Variants in LRRC37A2 observed in about 807,000 individuals in gnomAD.
LRRC37A2 encodes leucine rich repeat containing 37 member A2.
LRRC37A2 carries 9 observed loss-of-function variants against 68.8 expected under a neutral mutation model. That is an observed-to-expected ratio of 0.13 (90% CI 0.08 to 0.23). LRRC37A2 has a LOEUF of 0.23. Ranked by LOEUF, LRRC37A2 falls within the 10% of genes least tolerant of loss-of-function variation. The pLI, the probability that LRRC37A2 is intolerant of heterozygous loss-of-function variation, is 1.00. For synonymous variants in LRRC37A2, 63 were observed against 367.6 expected, an observed-to-expected ratio of 0.17 and a Z score of 9.48; for missense variants, 168 against 950.4, an observed-to-expected ratio of 0.18 and a Z score of 10.82.
chr17:46,823,772 G>A, the LRRC37A2 span, among the ~76,000 whole-genome samples: 3 of 148,912 alleles, frequency 2.0e-5, no homozygotes, highest in Non-Finnish European at 4.5e-5. Context: ...GATTTGCGGT[G>A]AAAGTCCTTT....
At chr17:47,029,048 G>A in the LRRC37A2 span, among the ~76,000 whole-genome samples, 3 of 152,042 alleles carry the variant, frequency 2.0e-5, no homozygotes, top group African/African-American at 4.8e-5. Flanking sequence ...TCATGGTGGC[G>A]GGCGCCTGTG....
chr17:46,543,228 C>T, intron 8 of LRRC37A2, among the ~76,000 whole-genome samples: 1 of 150,566 alleles, frequency 6.6e-6, no homozygotes, highest in East Asian at 1.9e-4. Context: ...GGAGTTTACA[C>T]ATTTATGTAC....
the LRRC37A2 span, among the ~76,000 whole-genome samples, chr17:46,872,220 G>A: frequency 0.032 from 4,924 of 152,292 alleles, 297 homozygotes; most frequent in African/African-American, 0.11. Flanking sequence ...CTGGGAAAGC[G>A]TATTTTTAAT....
At chr17:46,860,792 T>G in the LRRC37A2 span, among the ~76,000 whole-genome samples, 1 of 152,234 alleles carries the variant, frequency 6.6e-6, no homozygotes, top group African/African-American at 2.4e-5. Flanking sequence ...GTGCATTACT[T>G]CACCTCACAT....
chr17:46,825,955 G>A, the LRRC37A2 span, among the ~76,000 whole-genome samples: 10 of 152,362 alleles, frequency 6.6e-5, no homozygotes, highest in African/African-American at 2.2e-4. Flanking sequence ...TCCAGGAGGC[G>A]GAGGTTGCGG....
the LRRC37A2 span, among the ~76,000 whole-genome samples, chr17:46,622,375 G>C: frequency 6.7e-6 from 1 of 150,128 alleles, no homozygotes; most frequent in East Asian, 2.0e-4. Flanking sequence ...GGAGAATGGC[G>C]TGAACCCGGG....
chr17:46,386,220 TC>T, the LRRC37A2 span, among the ~76,000 whole-genome samples: 1 of 113,874 alleles, frequency 8.8e-6, no homozygotes, highest in African/African-American at 2.9e-5. Context: ...CACCTCAACC[TC>T]CCGAGTAGCT....
chr17:46,754,350 GA>G, the LRRC37A2 span, among the ~76,000 whole-genome samples: 6 of 150,896 alleles, frequency 4.0e-5, no homozygotes, highest in East Asian at 1.9e-4. Flanking sequence ...AGAAAGAAAA[GA>G]AAAAAAAATC....
the LRRC37A2 span, among the ~76,000 whole-genome samples, chr17:46,671,581 A>G: frequency 2.9e-5 from 1 of 34,616 alleles, no homozygotes; most frequent in East Asian, 3.1e-4. Context: ...CTCATTTGAG[A>G]TCCTAAAAGA....
At chr17:47,000,030 A>AAAT in the LRRC37A2 span, among the ~76,000 whole-genome samples, 6 of 22,748 alleles carry the variant, frequency 2.6e-4, no homozygotes, top group Admixed American at 8.9e-4. Flanking sequence ...AAATAAAATA[A>AAAT]AATAAAATAA....
chr17:46,500,775 G>A, the LRRC37A2 span, among the ~76,000 whole-genome samples: 12 of 151,208 alleles, frequency 7.9e-5, no homozygotes, highest in Admixed American at 5.2e-4. Context: ...TTCATCTAAT[G>A]TGTATTAATT....
At chr17:46,779,105 C>CACACACACACACA in the LRRC37A2 span, among the ~76,000 whole-genome samples, 4 of 35,396 alleles carry the variant, frequency 1.1e-4, no homozygotes, top group African/African-American at 3.7e-4. Context: ...ACACACACAC[C>CACACACACACACA]CCAGCCCACT....
At chr17:46,688,279 G>A in the LRRC37A2 span, among the ~76,000 whole-genome samples, 8 of 151,128 alleles carry the variant, frequency 5.3e-5, no homozygotes, top group South Asian at 1.7e-3. Context: ...GGGAAGCCAA[G>A]GTGGGAGGAT....
At chr17:46,548,534 T>G in exon 10 of LRRC37A2, 1 of 1,429,980 alleles carries the variant, frequency 7.0e-7, no homozygotes, top group Non-Finnish European at 9.5e-7. Flanking sequence ...GCGGTAAACC[T>G]AGATGTGAAA....
chr17:46,779,103 A>ACACACACACCCCCCC, the LRRC37A2 span, among the ~76,000 whole-genome samples: 12 of 133,654 alleles, frequency 9.0e-5, no homozygotes, highest in East Asian at 7.7e-4. Flanking sequence ...ACACACACAC[A>ACACACACACCCCCCC]CCCCAGCCCA....
the LRRC37A2 span, among the ~76,000 whole-genome samples, chr17:47,009,282 C>A: frequency 6.6e-6 from 1 of 152,154 alleles, no homozygotes; most frequent in East Asian, 1.9e-4. Context: ...CTTTATTTAA[C>A]ACCCTGTTAG....
At chr17:46,751,966 A>C in the LRRC37A2 span, among the ~76,000 whole-genome samples, 1 of 152,228 alleles carries the variant, frequency 6.6e-6, no homozygotes, top group South Asian at 2.1e-4. Flanking sequence ...TGAATTATCC[A>C]AGATCACATC....
At chr17:47,033,643 G>C in the LRRC37A2 span, among the ~76,000 whole-genome samples, 1 of 152,174 alleles carries the variant, frequency 6.6e-6, no homozygotes, top group African/African-American at 2.4e-5. Flanking sequence ...ACATGCTCCA[G>C]TCCTTTCATC....
chr17:46,832,132 A>G, the LRRC37A2 span, among the ~76,000 whole-genome samples: 2 of 152,050 alleles, frequency 1.3e-5, no homozygotes, highest in Non-Finnish European at 2.9e-5. Context: ...AAGGTGGGGG[A>G]GGAAGACAGA....
Sources: allele counts gnomAD v4.1 joint callset (sites outside exome capture counted in the v4.1 genomes callset), GRCh38; gene constraint gnomAD v4.1.1; transcripts MANE v1.5; gene names NCBI Gene and HGNC (gene_info 2026-07-23, HGNC 2026-07-21).